The following BAZ1A variants were observed in gnomAD, a reference collection of about 807,000 sequenced individuals.
BAZ1A encodes the protein bromodomain adjacent to zinc finger domain 1A.
BAZ1A carries 50 observed loss-of-function variants against 185.2 expected under a neutral mutation model. The ratio of observed to expected loss-of-function variants is 0.27; its 90% confidence interval spans 0.22 to 0.34. The LOEUF is 0.34. Among genes scored for constraint, BAZ1A ranks in the 10% least tolerant of loss-of-function variants. The pLI is 1.00. For synonymous variants in BAZ1A, 571 were observed against 615.6 expected (o/e 0.93, Z 1.07); for missense variants, 1,356 against 1,839.9 (o/e 0.74, Z 4.81).
chr14:34,767,882 G>A (rs1227306602), intron 21 of BAZ1A, among the ~76,000 whole-genome samples: 2 of 152,132 alleles, frequency 1.3e-5, no homozygotes, highest in Non-Finnish European at 2.9e-5. Context: ...TAATGCAAAG[G>A]TTGGTGAAAT....
At chr14:34,863,454 C>T (rs138084375) in intron 2 of BAZ1A, among the ~76,000 whole-genome samples, 9,596 of 151,570 alleles carry the variant, frequency 0.063, 404 homozygotes, top group Non-Finnish European at 0.098. Flanking sequence ...TGAGCCACCG[C>T]GCCCGGCCAT....
In BAZ1A at chr14:34,762,220, T is replaced by C. The variant is rs1363649666; in HGVS notation, c.3780A>G (p.Leu1260=). 2.5e-6 allele frequency: 4 copies of C among 1,613,406 alleles called. No homozygotes were observed. The African/African-American group carries it at 5.3e-5, about 22-fold the overall frequency. Residue 1260 remains leucine (L), a synonymous_variant, in exon 24 of 27, where the codon CTA becomes CTG. Coordinates refer to ENST00000360310, the MANE Select transcript of BAZ1A (RefSeq NM_013448.3). ...DDSQEEEEVS[L]PKRGRPQVRL... is the part of the protein sequence containing the mutation. ...TAACTTGTGGTCTTCCTCGTTTGGG[T>C]AGGCTATAAATATTGTTAGAAAACA...
At chr14:34,772,843 C>G (rs1166422882) in intron 20 of BAZ1A, among the ~76,000 whole-genome samples, 1 of 152,184 alleles carries the variant, frequency 6.6e-6, no homozygotes, top group African/African-American at 2.4e-5. Flanking sequence ...TCCTGGCCAA[C>G]GTGGCGAAAC....
intron 23 of BAZ1A, among the ~76,000 whole-genome samples, chr14:34,764,289 C>CTTTTTTTTTTTTTT (rs34861206): frequency 1.3e-4 from 14 of 111,860 alleles, no homozygotes; most frequent in East Asian, 2.5e-4. Context: ...TTTTTCTTTT[C>CTTTTTTTTTTTTTT]TTTTTTTTTT....
intron 15 of BAZ1A, among the ~76,000 whole-genome samples, chr14:34,783,555 C>G (rs1196900451): frequency 1.3e-5 from 2 of 151,972 alleles, no homozygotes; most frequent in Non-Finnish European, 2.9e-5. Flanking sequence ...AGGCTAGTCT[C>G]GAACTCCTGA....
Position 34,765,034 on chromosome 14 carries a change from C to A in BAZ1A, c.3536G>T (p.Arg1179Leu). Residue 1179 changes from arginine (R) to leucine (L), a missense_variant, in exon 22 of 27, where the codon CGA (arginine) becomes CTA (leucine). Physicochemically the swap from Arg to Leu is moderately radical, Grantham distance 102. Around this residue, in one of 7 missense-constraint regions of BAZ1A, gnomAD observed 309 missense variants for 355.3 expected, o/e 0.87. Coordinates refer to ENST00000360310, the MANE Select transcript of BAZ1A (RefSeq NM_013448.3). ...CDRGHHTYCVRPKLKTVPEGD... is the reference protein window; with the variant it reads ...CDRGHHTYCVLPKLKTVPEGD... ...AGAAAAAAATACCTTGAGCTTTGGT[C>A]GAACACAGTAGGTATGATGACCCCT... The A allele has an allele frequency of 6.2e-7, 1 of 1,614,080 alleles. No individual in the cohort carries two copies. The highest frequency in any genetic ancestry group is 1.1e-5 in the South Asian group (1 of 91,042).
intron 24 of BAZ1A, 133 bp downstream of exon 24, chr14:34,761,624 G>T: frequency 1.4e-6 from 1 of 733,186 alleles, no homozygotes; most frequent in East Asian, 2.7e-5. Context: ...TTATGCTTCA[G>T]GTCAGATTGT....
Position 34,874,304 on chromosome 14 carries a change from G to A in BAZ1A, c.113+188C>T, listed in dbSNP as rs536372456. 4 of 569,068 alleles carry A rather than the reference G, an allele frequency of 7.0e-6. No individual in the cohort carries two copies. The highest frequency in any genetic ancestry group is 6.2e-5 in the South Asian group (3 of 48,238). 35.3% of individuals were successfully genotyped at this position (569,068 alleles called of 1,614,324 possible). Reference sequence around the variant, plus strand: ...CCAACCCGCGTTCCCCACGCGCGCCGCCGCCAGTTGGCCCCGCGCGTTCTC... The same window carrying A: ...CCAACCCGCGTTCCCCACGCGCGCCACCGCCAGTTGGCCCCGCGCGTTCTC... On this transcript the variant is annotated intron_variant, in intron 2 of 26. Transcript: ENST00000360310. This position sits in a 1 kb window ranked among gnomAD's most constrained non-coding sequence, Gnocchi z 4.7.
chr14:34,855,460 C>T (rs1032394212), intron 3 of BAZ1A, among the ~76,000 whole-genome samples: 5 of 152,176 alleles, frequency 3.3e-5, no homozygotes, highest in African/African-American at 1.2e-4. Context: ...GTTCAGGGGG[C>T]TGCCTGATTT....
rs1566582578 is a variant in BAZ1A, at chr14:34,826,063, G to A, written c.486C>T (p.Ile162=). 3.7e-6 allele frequency: 6 copies of A among 1,607,360 alleles called. No individual in the cohort carries two copies. The Admixed American group carries it at 8.4e-5, about 23-fold the overall frequency. The change falls in exon 4 of 27, where the codon ATC becomes ATT. Residue 162 remains isoleucine, a synonymous_variant. Coordinates refer to ENST00000360310, the MANE Select transcript of BAZ1A (RefSeq NM_013448.3). ...TTTCTGAATCATCACTATCACTGAT[G>A]ATAATAGTTTCTCCATCCACACTGT... The part of the protein sequence containing the change: ...HVNSVDGETI[I]ISDSDDSETQ...
chr14:34,805,943 G>A (rs1322453369), intron 6 of BAZ1A, among the ~76,000 whole-genome samples: 7 of 150,178 alleles, frequency 4.7e-5, no homozygotes, highest in Admixed American at 6.7e-5. Flanking sequence ...GTGCAGTGGC[G>A]CAATCTTGGC....
In BAZ1A at chr14:34,872,941, A is replaced by AAACAAC. The variant is rs1555346584; in HGVS notation, c.113+1550_113+1551insGTTGTT. Among the ~76,000 whole-genome samples the AAACAAC allele has an allele frequency of 6.5e-5, 8 of 122,680 alleles. No homozygotes were observed. The South Asian group carries it at 1.1e-3, about 17-fold the overall frequency. The allele number at this position is 122,680 out of a possible 152,430, so 80.5% of individuals were successfully genotyped here. A position where few individuals can be genotyped will look rare whatever the true frequency, so the allele number is the denominator to read the frequency against. ...AAAAAAAAAAAAAAAAAAAAAAAAA[A>AAACAAC]CTTGTCCAATTACCTAATCCAAGTT... On this transcript the variant is annotated intron_variant, in intron 2 of 26. Coordinates refer to ENST00000360310, the MANE Select transcript of BAZ1A (RefSeq NM_013448.3).
chr14:34,872,931 A>ACAAAAACAAAAAC (rs1320079068), intron 2 of BAZ1A, among the ~76,000 whole-genome samples: 29 of 120,212 alleles, frequency 2.4e-4, no homozygotes, highest in Middle Eastern at 3.8e-3. Flanking sequence ...AAAAAAAAAA[A>ACAAAAACAAAAAC]AAAAAAAAAA....
At chr14:34,792,740 C>CT (rs1374099590) in intron 12 of BAZ1A, 35 bp downstream of exon 12, 7 of 1,603,536 alleles carry the variant, frequency 4.4e-6, no homozygotes, top group Admixed American at 3.6e-5. Flanking sequence ...TACAAAACTA[C>CT]TATGGTTCAA....
At chr14:34,817,531 T>C (rs2042024551) in intron 4 of BAZ1A, among the ~76,000 whole-genome samples, 1 of 152,212 alleles carries the variant, frequency 6.6e-6, no homozygotes, top group African/African-American at 2.4e-5. Flanking sequence ...GAGGTTGCAG[T>C]GAGCCAAGAT....
At chr14:34,788,663 T>C (rs555487003) in intron 12 of BAZ1A, among the ~76,000 whole-genome samples, 3 of 151,254 alleles carry the variant, frequency 2.0e-5, no homozygotes, top group Non-Finnish European at 3.0e-5. Flanking sequence ...AAAAAAAAAA[T>C]TTTTTTTCTT....
rs1209311993 is a variant in BAZ1A at position 34,753,316 on chromosome 14, T to C, written c.*192A>G. On this transcript the variant is annotated 3_prime_UTR_variant, in exon 27 of 27. Coordinates refer to ENST00000360310, the MANE Select transcript of BAZ1A (RefSeq NM_013448.3). Reference sequence around the variant, plus strand: ...CAATACATCTATCAAACTTATTAGATACTGAACAAAACTGTAGCAAAGGAT... The same window carrying C: ...CAATACATCTATCAAACTTATTAGACACTGAACAAAACTGTAGCAAAGGAT... 2.7e-5 allele frequency: 16 copies of C among 586,676 alleles called. No homozygotes were observed. Among genetic ancestry groups the C allele is most frequent in the Non-Finnish European group, 4.1e-5 (14 of 338,336 alleles). The allele number at this position is 586,676 out of a possible 1,614,324, so 36.3% of individuals were successfully genotyped here. A position where few individuals can be genotyped will look rare whatever the true frequency, so the allele number is the denominator to read the frequency against.
chr14:34,837,882 C>T (rs2042354009), intron 3 of BAZ1A, among the ~76,000 whole-genome samples: 1 of 152,170 alleles, frequency 6.6e-6, no homozygotes, highest in Admixed American at 6.5e-5. Flanking sequence ...GACAACAACA[C>T]ATTAAATATG....
intron 2 of BAZ1A, among the ~76,000 whole-genome samples, chr14:34,868,497 A>G (rs1384036587): frequency 6.6e-6 from 1 of 152,152 alleles, no homozygotes; most frequent in Non-Finnish European, 1.5e-5. Context: ...GGAAGATTAA[A>G]TTGTGACATA....
Sources: gnomAD v4.1 joint callset for allele counts (sites outside exome capture counted in the v4.1 genomes callset) on GRCh38, gnomAD v4.1.1 for gene constraint, gnomAD v4.1.1 regional missense constraint, Gnocchi (gnomAD v3.1) non-coding constraint, MANE v1.5 for transcripts, NCBI Gene and HGNC (gene_info 2026-07-23, HGNC 2026-07-21) for gene names.